Variants in SS18 observed in about 807,000 individuals in gnomAD.
SS18 encodes the protein protein SSXT.
A neutral mutation model predicts 72.5 loss-of-function variants in SS18; 28 were observed. That is an observed-to-expected ratio of 0.39 (90% CI 0.29 to 0.53). SS18 has a LOEUF of 0.53. SS18 is among the 20% of genes least tolerant of loss of function. The probability of loss-of-function intolerance (pLI) is 0.76; values close to 1 mark genes in which losing one functional copy is unlikely to be tolerated. For synonymous variants in SS18, 172 were observed against 164.2 expected, an observed-to-expected ratio of 1.05 and a Z score of -0.37; for missense variants, 518 against 535.3, an observed-to-expected ratio of 0.97 and a Z score of 0.32.
intron 10 of SS18, among the ~76,000 whole-genome samples, chr18:26,032,126 C>T (rs1163028851): frequency 6.6e-6 from 1 of 151,938 alleles, no homozygotes. Flanking sequence ...AGGGTAAAGA[C>T]CACAGAGCAA....
chr18:26,074,331 C>G (rs73403580), intron 3 of SS18, among the ~76,000 whole-genome samples: 1 of 150,504 alleles, frequency 6.6e-6, no homozygotes, highest in Non-Finnish European at 1.5e-5. Flanking sequence ...AAAAAACTTA[C>G]TGAGTTCTGC....
chr18:26,026,183 G>A (rs962802070), intron 10 of SS18, among the ~76,000 whole-genome samples: 5 of 152,122 alleles, frequency 3.3e-5, no homozygotes, highest in African/African-American at 1.2e-4. Context: ...TTTTATAGAG[G>A]TGGGGGGTCT....
chr18:26,023,034 T>C (rs377063313), intron 10 of SS18, among the ~76,000 whole-genome samples: 53 of 152,318 alleles, frequency 3.5e-4, no homozygotes, highest in African/African-American at 1.3e-3. Flanking sequence ...TTCAGAAAGT[T>C]CAAACTGTTT....
At chr18:26,025,456 G>A (rs117065252) in intron 10 of SS18, among the ~76,000 whole-genome samples, 1 of 152,026 alleles carries the variant, frequency 6.6e-6, no homozygotes, top group East Asian at 1.9e-4. Flanking sequence ...AAAATGAATA[G>A]GTAGATTAAA....
At position 26,016,920 on chromosome 18, in the gene SS18, TGGGAAAAACCA is replaced by T. The variant is rs2053260373; in HGVS notation, c.*1423_*1433del. ...CTTCTGTTTTGTTTCCAGTTAGACGTGGGAAAAACCAATTCAATTATAAAGAATACATCTTA... is the reference window on the plus strand; with the variant it reads ...CTTCTGTTTTGTTTCCAGTTAGACGTATTCAATTATAAAGAATACATCTTA... On this transcript the variant is annotated 3_prime_UTR_variant, in exon 11 of 11. Coordinates refer to ENST00000415083, the MANE Select transcript of SS18 (RefSeq NM_001007559.3). 4.4e-6 allele frequency: 1 copy of T among 225,390 alleles called. No homozygotes were observed. Among genetic ancestry groups the T allele is most frequent in the Non-Finnish European group, 8.8e-6 (1 of 113,006 alleles). 14.0% of individuals were successfully genotyped at this position (225,390 alleles called of 1,614,324 possible).
rs112231498 is a variant in SS18 at position 26,038,687 on chromosome 18, A to C, written c.776-28T>G. The C allele has an allele frequency of 1.4e-3, 2,222 of 1,559,996 alleles. 4 individuals carry two copies. The highest frequency in any genetic ancestry group is 1.8e-3 in the Non-Finnish European group (2,029 of 1,131,282). ...GAAAAACCACAACCAGTCAAGATAT[A>C]AATAATGTGTTCTCTATGTCATCAA... On this transcript the variant is annotated intron_variant, in intron 6 of 10. Transcript: ENST00000415083.
intron 6 of SS18, 47 bp downstream of exon 6, chr18:26,039,242 A>T: frequency 6.8e-7 from 1 of 1,477,464 alleles, no homozygotes; most frequent in South Asian, 1.3e-5. Flanking sequence ...TAAAATTTAA[A>T]GCCTTTCAAT....
intron 2 of SS18, among the ~76,000 whole-genome samples, chr18:26,079,654 C>T (rs887249204): frequency 6.6e-6 from 1 of 152,288 alleles, no homozygotes; most frequent in East Asian, 1.9e-4. Flanking sequence ...GTAATCATGG[C>T]TCACTGCAGC....
Position 26,035,783 on chromosome 18 carries a change from C to G in SS18, c.973+48G>C. On this transcript the variant is annotated intron_variant, in intron 8 of 10. Transcript: ENST00000415083. This position sits in a 1 kb window ranked among gnomAD's most constrained non-coding sequence, Gnocchi z 4.4. ...TTGTCTTATGCAAGAATTTTCATTC[C>G]TGTAGAAGGGGATATATATGTGTAT... 1 of 1,316,772 alleles carries G rather than the reference C, an allele frequency of 7.6e-7. No individual in the cohort carries two copies. The allele number at this position is 1,316,772 out of a possible 1,614,324, so 81.6% of individuals were successfully genotyped here.
In SS18 at chr18:26,035,648, T is replaced by C. The variant is rs2053613971; in HGVS notation, c.973+183A>G. ...TATTGTTAGAAATGGCAAGTCATGG[T>C]TATACATTTTAAATATTTGTAAGGA... On this transcript the variant is annotated intron_variant, in intron 8 of 10. Coordinates refer to ENST00000415083, the MANE Select transcript of SS18 (RefSeq NM_001007559.3). The surrounding 1 kb of genome is among the most constrained non-coding windows in gnomAD (Gnocchi z 4.4). 9.6e-6 allele frequency: 4 copies of C among 418,814 alleles called. No individual in the cohort carries two copies. The Admixed American group carries it at 1.2e-4, about 13-fold the overall frequency. The allele number at this position is 418,814 out of a possible 1,614,324, so 25.9% of individuals were successfully genotyped here. A position where few individuals can be genotyped will look rare whatever the true frequency, so the allele number is the denominator to read the frequency against.
At chr18:26,058,504 G>GTC (rs2054065064) in intron 3 of SS18, among the ~76,000 whole-genome samples, 1 of 152,242 alleles carries the variant, frequency 6.6e-6, no homozygotes, top group Non-Finnish European at 1.5e-5. Flanking sequence ...TGTAGGAGGA[G>GTC]AGGGAGGCAT....
chr18:26,023,318 C>T (rs923539189), intron 10 of SS18, among the ~76,000 whole-genome samples: 4 of 152,068 alleles, frequency 2.6e-5, no homozygotes, highest in African/African-American at 9.7e-5. Flanking sequence ...AGACCTAAAC[C>T]AAACTTGTAG....
intron 10 of SS18, among the ~76,000 whole-genome samples, chr18:26,026,745 T>C (rs2053452826): frequency 6.6e-6 from 1 of 152,140 alleles, no homozygotes; most frequent in Admixed American, 6.5e-5. Flanking sequence ...TTCAATGAAA[T>C]CTACAAAAAC....
At chr18:26,061,841 GAGTT>G in intron 3 of SS18, among the ~76,000 whole-genome samples, 1 of 152,212 alleles carries the variant, frequency 6.6e-6, no homozygotes, top group East Asian at 1.9e-4. Flanking sequence ...AGAACTAGAG[GAGTT>G]AGTTAAGAGG....
At chr18:26,043,494 C>A (rs2053765694) in intron 5 of SS18, among the ~76,000 whole-genome samples, 1 of 152,060 alleles carries the variant, frequency 6.6e-6, no homozygotes, top group Non-Finnish European at 1.5e-5. Context: ...AATCTCTAAC[C>A]CAATTATAGC....
At chr18:26,044,140 T>C (rs1308833735) in intron 5 of SS18, among the ~76,000 whole-genome samples, 3 of 152,180 alleles carry the variant, frequency 2.0e-5, no homozygotes, top group Admixed American at 6.5e-5. Context: ...CTTCACTTCA[T>C]AGAACTCAGA....
At chr18:26,028,313 A>G (rs2053486525) in intron 10 of SS18, among the ~76,000 whole-genome samples, 1 of 152,252 alleles carries the variant, frequency 6.6e-6, no homozygotes, top group Non-Finnish European at 1.5e-5. Context: ...ATTGGCAATG[A>G]GTTAGCAAGG....
At chr18:26,018,491 C>T (rs2053287722) in intron 10 of SS18, 111 bp from the exon 11 acceptor site, 1 of 837,762 alleles carries the variant, frequency 1.2e-6, no homozygotes. Flanking sequence ...AGCAGCCGTA[C>T]CTACAATAAA....
chr18:26,035,145 A>G lies in SS18; in HGVS notation c.974-18T>C. On this transcript the variant is annotated intron_variant, in intron 8 of 10. Coordinates refer to ENST00000415083, the MANE Select transcript of SS18 (RefSeq NM_001007559.3). This position sits in a 1 kb window ranked among gnomAD's most constrained non-coding sequence, Gnocchi z 4.4. ...TGAATTTCCTACAGGATAATTGGAG[A>G]AGAGGAAAAAAAACTGAGAAGTCTG... The G allele has an allele frequency of 6.2e-7, 1 of 1,610,466 alleles. No individual in the cohort carries two copies. The highest frequency in any genetic ancestry group is 8.5e-7 in the Non-Finnish European group (1 of 1,177,994).
Sources: gnomAD v4.1 joint callset for allele counts (sites outside exome capture counted in the v4.1 genomes callset) on GRCh38, gnomAD v4.1.1 for gene constraint, Gnocchi (gnomAD v3.1) non-coding constraint, MANE v1.5 for transcripts, NCBI Gene and HGNC (gene_info 2026-07-23, HGNC 2026-07-21) for gene names.